PARP4: variants seen among roughly 807,000 people sequenced by gnomAD.
The protein encoded by PARP4 is poly(ADP-ribose) polymerase family member 4, also known as protein mono-ADP-ribosyltransferase PARP4.
Under a neutral mutation model 187.7 loss-of-function variants are expected in PARP4, and 120 were observed. The ratio of observed to expected loss-of-function variants is 0.64; its 90% CI spans 0.55 to 0.74. PARP4 has a LOEUF of 0.74. Among genes scored for constraint, PARP4 ranks in the 30% least tolerant of loss-of-function variants. The probability of loss-of-function intolerance (pLI) is 0.00; values close to 1 mark genes in which losing one functional copy is unlikely to be tolerated. For synonymous variants in PARP4, 654 were observed against 740.9 expected (o/e 0.88, Z 1.90); for missense variants, 1,836 against 2,070.5 (o/e 0.89, Z 2.20).
At chr13:24,445,848 G>C (rs565372282) in intron 27 of PARP4, among the ~76,000 whole-genome samples, 1 of 152,236 alleles carries the variant, frequency 6.6e-6, no homozygotes, top group Non-Finnish European at 1.5e-5. Flanking sequence ...TCTGGAGTTG[G>C]AATCAGTCTT....
chr13:24,431,460 A>G lies in PARP4; in HGVS notation c.4763T>C (p.Leu1588Pro). ...TAATATAAGTCCCAGTTCTGGTGTA[A>G]GTTTCCAGAAGCCATCCTACAAAAT... ...SLQTEDGFWK[L>P]TPELGLILNL... is the part of the protein sequence containing the mutation. The change falls in exon 32 of 34, where the codon CTT (leucine) becomes CCT (proline). Residue 1588 changes from leucine (L) to proline (P), a missense_variant. Leu to Pro is a moderately conservative substitution (Grantham distance 98, BLOSUM62 -3). Transcript: ENST00000381989. 1 of 1,584,480 alleles carries G rather than the reference A, an allele frequency of 6.3e-7. No homozygotes were observed. The highest frequency in any genetic ancestry group is 2.3e-5 in the East Asian group (1 of 43,804).
Position 24,478,132 on chromosome 13 carries a change from A to G in PARP4, c.1593T>C (p.His531=), listed in dbSNP as rs768228133. ...TGACAGAGGCTGTTTGCGAAACTCC[A>G]TGCACACTGTCGTAGCCTGGTGGTG... ...TEAPPGYDSV[H]GVSQTASVTT... is the part of the protein sequence containing the mutation. The change falls in exon 13 of 34, where the codon CAT becomes CAC. Residue 531 remains histidine (H), a synonymous_variant. Coordinates refer to ENST00000381989, the MANE Select transcript of PARP4 (RefSeq NM_006437.4). 5 of 1,612,118 alleles carry G rather than the reference A, an allele frequency of 3.1e-6. No individual in the cohort carries two copies. Among genetic ancestry groups the G allele is most frequent in the East Asian group, 4.5e-5 (2 of 44,814 alleles).
At chr13:24,436,417 C>T (rs1329506945) in intron 30 of PARP4, among the ~76,000 whole-genome samples, 2 of 151,992 alleles carry the variant, frequency 1.3e-5, no homozygotes, top group African/African-American at 2.4e-5. Flanking sequence ...GATCCTCTCG[C>T]CTCAGACTCC....
intron 17 of PARP4, among the ~76,000 whole-genome samples, chr13:24,468,059 A>G (rs1872561490): frequency 6.6e-6 from 1 of 152,186 alleles, no homozygotes; most frequent in African/African-American, 2.4e-5. Context: ...AAATTTTCAA[A>G]ACACCATGGC....
At position 24,455,102 on chromosome 13, in the gene PARP4, T is replaced by C. The variant is rs1332651761; in HGVS notation, c.2673A>G (p.Thr891=). The change falls in exon 22 of 34, where the codon ACA becomes ACG. Residue 891 remains threonine (T), a synonymous_variant. Transcript: ENST00000381989. ...LDCSSSMEGV[T]FLQAKQIALH... Reference sequence around the variant, plus strand: ...AGGCGATTTGCTTGGCTTGCAAGAATGTCACACCCTCCATGGAACTGGAGC... The same window carrying C: ...AGGCGATTTGCTTGGCTTGCAAGAACGTCACACCCTCCATGGAACTGGAGC... 1.2e-6 allele frequency: 2 copies of C among 1,613,508 alleles called. No individual in the cohort carries two copies. Among genetic ancestry groups the C allele is most frequent in the Admixed American group, 3.3e-5 (2 of 60,000 alleles).
chr13:24,495,733 C>T (rs1195534745), intron 6 of PARP4, among the ~76,000 whole-genome samples: 3 of 152,200 alleles, frequency 2.0e-5, no homozygotes, highest in African/African-American at 2.4e-5. Flanking sequence ...ACCCATAAGC[C>T]GCCCTCCCAG....
chr13:24,460,602 C>T (rs1872173109), intron 17 of PARP4, among the ~76,000 whole-genome samples: 1 of 152,160 alleles, frequency 6.6e-6, no homozygotes, highest in Admixed American at 6.5e-5. Context: ...CTTTTGCCAG[C>T]AGCTGTAGAA....
chr13:24,498,286 G>T, intron 5 of PARP4, 57 bp from the exon 6 acceptor site: 3 of 999,574 alleles, frequency 3.0e-6, no homozygotes, highest in Non-Finnish European at 4.7e-6. Flanking sequence ...AACTACATGT[G>T]CCATTTGAAA....
intron 27 of PARP4, among the ~76,000 whole-genome samples, chr13:24,444,492 G>GA (rs137903029): frequency 0.013 from 1,921 of 152,074 alleles, 39 homozygotes; most frequent in African/African-American, 0.043. Flanking sequence ...GCACTTTTGA[G>GA]AAAAAAACCC....
At chr13:24,510,754 T>C (rs1264020457) in intron 1 of PARP4, among the ~76,000 whole-genome samples, 3 of 152,156 alleles carry the variant, frequency 2.0e-5, no homozygotes, top group Non-Finnish European at 4.4e-5. Context: ...TACAGTTCAG[T>C]GGCATTAAGT....
intron 1 of PARP4, among the ~76,000 whole-genome samples, chr13:24,504,896 T>C (rs1326615740): frequency 6.6e-6 from 1 of 151,728 alleles, no homozygotes; most frequent in Non-Finnish European, 1.5e-5. Context: ...GGTTTTACCA[T>C]GTTGGCCAGG....
chr13:24,447,103 G>A lies in PARP4; in HGVS notation c.3198C>T (p.Pro1066=), dbSNP rs147470990. The A allele has an allele frequency of 1.3e-4, 207 of 1,613,196 alleles. No homozygotes were observed. The East Asian group carries it at 3.2e-3, about 25-fold the overall frequency. The change falls in exon 26 of 34, where the codon CCC becomes CCT. Residue 1066 remains proline (P), a synonymous_variant. Transcript: ENST00000381989. ...CCTGGGCTGGGGCCTGCAGGGCCTC[G>A]GGCACATCTGGATTGAGTTGCTGCC... ...VKWQQLNPDV[P]EALQAPAQVP...
chr13:24,438,968 TG>T (rs1410212855), intron 30 of PARP4, among the ~76,000 whole-genome samples: 1 of 151,124 alleles, frequency 6.6e-6, no homozygotes, highest in East Asian at 1.9e-4. Flanking sequence ...CTAAATTACA[TG>T]GTCCGTTCAA....
intron 1 of PARP4, among the ~76,000 whole-genome samples, chr13:24,507,729 A>G (rs756945032): frequency 6.6e-6 from 1 of 151,842 alleles, no homozygotes; most frequent in Non-Finnish European, 1.5e-5. Flanking sequence ...TACATTTCAA[A>G]TAAAATACAA....
At chr13:24,455,506 T>TATATATATATATATATATCACA (rs1555234626) in intron 21 of PARP4, among the ~76,000 whole-genome samples, 2,422 of 134,528 alleles carry the variant, frequency 0.018, 59 homozygotes, top group Non-Finnish European at 0.026. Context: ...TATATATATA[T>TATATATATATATATATATCACA]CACACTATTC....
chr13:24,475,621 A>C (rs1396424648), intron 14 of PARP4, 25 bp from the exon 15 acceptor site: 1 of 1,609,368 alleles, frequency 6.2e-7, no homozygotes, highest in Non-Finnish European at 8.5e-7. Context: ...TGTTACTATT[A>C]GCTTTCAAAA....
At chr13:24,494,113 T>C (rs993973213) in intron 7 of PARP4, among the ~76,000 whole-genome samples, 1 of 152,224 alleles carries the variant, frequency 6.6e-6, no homozygotes. Context: ...TCCTGTCTTG[T>C]TCTAAAACAC....
intron 11 of PARP4, among the ~76,000 whole-genome samples, chr13:24,485,497 TG>T (rs1873503939): frequency 6.6e-6 from 1 of 152,210 alleles, no homozygotes; most frequent in Admixed American, 6.5e-5. Flanking sequence ...AATGGTTTTT[TG>T]GTTTTTTCTT....
intron 30 of PARP4, among the ~76,000 whole-genome samples, chr13:24,439,356 CAT>C (rs1870799352): frequency 6.6e-6 from 1 of 151,228 alleles, no homozygotes; most frequent in African/African-American, 2.4e-5. Context: ...AAAAACAACA[CAT>C]GTGCACTATG....
Sources: gnomAD v4.1 joint callset for allele counts (sites outside exome capture counted in the v4.1 genomes callset) on GRCh38, gnomAD v4.1.1 for gene constraint, MANE v1.5 for transcripts, NCBI Gene and HGNC (gene_info 2026-07-23, HGNC 2026-07-21) for gene names.